Variants in PRRC2A observed in about 807,000 individuals in gnomAD.
PRRC2A encodes protein PRRC2A.
In PRRC2A, 59 loss-of-function variants were observed where a neutral mutation model predicts 224.6. The ratio of observed to expected loss-of-function variants is 0.26; its 90% CI spans 0.21 to 0.33. The LOEUF (loss-of-function observed/expected upper bound fraction) is 0.33, where lower values mean the gene tolerates loss of function less well. PRRC2A is among the 10% of genes least tolerant of loss of function. The pLI is 1.00. For missense variants in PRRC2A, 3,095 were observed against 2,880.7 expected, an observed-to-expected ratio of 1.07 and a Z score of -1.70; for synonymous variants, 1,194 against 1,109.5, an observed-to-expected ratio of 1.08 and a Z score of -1.51.
At position 31,632,961 on chromosome 6, in the gene PRRC2A, A is replaced by C; in HGVS notation, c.4288A>C (p.Lys1430Gln). 1 of 1,601,136 alleles carries C rather than the reference A, an allele frequency of 6.2e-7. No homozygotes were observed. ...GGRTGPGRGD[K>Q]RSWPSPKNRS... ...AAGGACCGGGCCAGGACGAGGCGAC[A>C]AGAGGAGCTGGCCCTCTCCCAAGAA... Residue 1430 changes from lysine to glutamine, a missense_variant, in exon 16 of 31, where the codon AAG becomes CAG. Transcript: ENST00000376033.
In PRRC2A at chr6:31,632,440, G is replaced by A. The variant is rs1364992415; in HGVS notation, c.3767G>A (p.Arg1256His). The A allele has an allele frequency of 1.2e-6, 2 of 1,604,904 alleles. No individual in the cohort carries two copies. The highest frequency in any genetic ancestry group is 1.3e-5 in the African/African-American group (1 of 74,702). The stretch of plus-strand genomic sequence containing the variant: ...GCTCAGCAGCAGGATAAACCGCCTC[G>A]TTTCCGGAGGCTGAAGCAGGAACGG... ...GRAQQQDKPP[R>H]FRRLKQEREN... The change falls in exon 16 of 31, where the codon CGT (arginine) becomes CAT (histidine). Residue 1256 changes from arginine (R) to histidine (H), a missense_variant. Physicochemically the swap from Arg to His is conservative, Grantham distance 29. Transcript: ENST00000376033.
Position 31,630,624 on chromosome 6 carries a change from G to A in PRRC2A, c.2288G>A (p.Gly763Asp). Residue 763 changes from glycine to aspartate, a missense_variant, in exon 15 of 31, where the codon GGC (glycine) becomes GAC (aspartate). Around this residue, in one of 8 missense-constraint regions of PRRC2A, gnomAD observed 2,001 missense variants for 1,764.9 expected, o/e 1.13. Coordinates refer to ENST00000376033, the MANE Select transcript of PRRC2A (RefSeq NM_004638.4). ...LVPRERSDSG[G>D]SSSEPFDRHA... is the part of the protein sequence containing the mutation. The stretch of plus-strand genomic sequence containing the variant: ...CCCCGAGAGCGTTCAGACAGTGGGG[G>A]CTCAAGCTCAGAGCCATTTGACCGT... 1 of 1,614,110 alleles carries A rather than the reference G, an allele frequency of 6.2e-7. No individual in the cohort carries two copies. Among genetic ancestry groups the A allele is most frequent in the Non-Finnish European group, 8.5e-7 (1 of 1,180,028 alleles).
chr6:31,634,136 G>A, intron 18 of PRRC2A, 100 bp from the exon 19 acceptor site: 2 of 1,563,964 alleles, frequency 1.3e-6, no homozygotes, highest in South Asian at 1.2e-5. Context: ...TGTCTCCCTT[G>A]TTGTCCCCAC....
chr6:31,627,078 G>C lies in PRRC2A; in HGVS notation c.1170G>C (p.Thr390=). ...ACAGCGAACCGCCCACTCCTAAGAC[G>C]GCCTGGGCAGAAACCTCTCGGCCTC... The part of the protein sequence containing the change: ...SPNSEPPTPK[T]AWAETSRPPE... The change falls in exon 11 of 31, where the codon ACG becomes ACC. Residue 390 remains threonine (T), a synonymous_variant. Coordinates refer to ENST00000376033, the MANE Select transcript of PRRC2A (RefSeq NM_004638.4). This position sits in a 1 kb window ranked among gnomAD's most constrained non-coding sequence, Gnocchi z 5.6. The C allele has an allele frequency of 6.2e-7, 1 of 1,614,138 alleles. No homozygotes were observed. The highest frequency in any genetic ancestry group is 1.7e-5 in the Admixed American group (1 of 60,024).
chr6:31,637,322 C>A lies in PRRC2A; in HGVS notation c.6331C>A (p.Gln2111Lys). The A allele has an allele frequency of 1.2e-6, 2 of 1,610,436 alleles. No homozygotes were observed. Among genetic ancestry groups the A allele is most frequent in the Non-Finnish European group, 1.7e-6 (2 of 1,177,600 alleles). The change falls in exon 30 of 31, where the codon CAG (glutamine) becomes AAG (lysine). Residue 2111 changes from glutamine to lysine, a missense_variant and splice_region_variant. Physicochemically the swap from Gln to Lys is moderately conservative, Grantham distance 53. Transcript: ENST00000376033. ...CACCCAGCGCGTCGACCTTTACCAG[C>A]AGGTGAAGGAGAAACCCTTGTGGCC... is the stretch of plus-strand genomic sequence containing the variant. ...FRTQRVDLYQ[Q>K]ASPPDALRWI...
chr6:31,633,656 G>A lies in PRRC2A; in HGVS notation c.4588+9G>A, dbSNP rs377453535. ...CAGCGGCCTCAGTTCTGGTAAGCTGGAGGGGTTATGGGTGGGAATATCTCC... is the reference window on the plus strand; with the variant it reads ...CAGCGGCCTCAGTTCTGGTAAGCTGAAGGGGTTATGGGTGGGAATATCTCC... On this transcript the variant is annotated intron_variant, in intron 17 of 30. Coordinates refer to ENST00000376033, the MANE Select transcript of PRRC2A (RefSeq NM_004638.4). The A allele has an allele frequency of 7.5e-6, 12 of 1,604,740 alleles. No homozygotes were observed. Among genetic ancestry groups the A allele is most frequent in the Non-Finnish European group, 1.0e-5 (12 of 1,175,448 alleles).
rs1225276587 is a variant in PRRC2A, at chr6:31,634,221, C to T, written c.4720-15C>T. 3 of 1,578,168 alleles carry T rather than the reference C, an allele frequency of 1.9e-6. No individual in the cohort carries two copies. The highest frequency in any genetic ancestry group is 4.5e-5 in the East Asian group (2 of 44,588). On this transcript the variant is annotated splice_polypyrimidine_tract_variant and intron_variant, in intron 18 of 30. Coordinates refer to ENST00000376033, the MANE Select transcript of PRRC2A (RefSeq NM_004638.4). ...ACCCAATTCATGTTTTGCTTCTGGC[C>T]CTTCTCATCTGTAGGAATCTTTGCC...
At position 31,633,515 on chromosome 6, in the gene PRRC2A, C is replaced by A; in HGVS notation, c.4456C>A (p.Arg1486Ser). 7 of 1,613,092 alleles carry A rather than the reference C, an allele frequency of 4.3e-6. No individual in the cohort carries two copies. The highest frequency in any genetic ancestry group is 5.9e-6 in the Non-Finnish European group (7 of 1,180,028). The change falls in exon 17 of 31, where the codon CGT becomes AGT. Residue 1486 changes from arginine (R) to serine (S), a missense_variant. Around this residue, in one of 8 missense-constraint regions of PRRC2A, gnomAD observed 2,001 missense variants for 1,764.9 expected, o/e 1.13. Coordinates refer to ENST00000376033, the MANE Select transcript of PRRC2A (RefSeq NM_004638.4). ...IQQALAQLSS[R>S]QGSVTAPGGH... The stretch of plus-strand genomic sequence containing the variant: ...ACAGGCTCTGGCCCAGCTTAGTAGC[C>A]GTCAAGGGAGTGTAACTGCACCAGG...
rs377484813 is a variant in PRRC2A, at chr6:31,626,175, T to G, written c.982+13T>G. On this transcript the variant is annotated intron_variant, in intron 9 of 30. Transcript: ENST00000376033. ...GATGGTTGGGCAGGTAAGTGGATAT[T>G]AAGGGTCAAGAATTTGGATCTTGAA... 1.9e-6 allele frequency: 3 copies of G among 1,607,222 alleles called. No individual in the cohort carries two copies. The African/African-American group carries it at 4.0e-5, about 22-fold the overall frequency.
In PRRC2A at chr6:31,634,488, T is replaced by C. The variant is rs759000036; in HGVS notation, c.4866T>C (p.Ser1622=). 6.2e-7 allele frequency: 1 copy of C among 1,612,826 alleles called. No homozygotes were observed. Among genetic ancestry groups the C allele is most frequent in the South Asian group, 1.1e-5 (1 of 91,074 alleles). Residue 1622 remains serine, a synonymous_variant, in exon 20 of 31, where the codon AGT becomes AGC. Coordinates refer to ENST00000376033, the MANE Select transcript of PRRC2A (RefSeq NM_004638.4). ...CTTCTCCAGCCACTAGCCGAAAGAG[T>C]TACCGGCCCAGCTCCATGGAGCCTT... ...NRLHTATSRK[S]YRPSSMEPWM... is the part of the protein sequence containing the mutation.
Position 31,635,157 on chromosome 6 carries a change from C to A in PRRC2A, c.5186C>A (p.Pro1729His). 1 of 1,614,198 alleles carries A rather than the reference C, an allele frequency of 6.2e-7. No homozygotes were observed. Among genetic ancestry groups the A allele is most frequent in the Non-Finnish European group, 8.5e-7 (1 of 1,180,022 alleles). The change falls in exon 22 of 31, where the codon CCC (proline) becomes CAC (histidine). Residue 1729 changes from proline to histidine, a missense_variant. Transcript: ENST00000376033. ...RKELPREQPL[P>H]PGPIGTERSQ... ...GAGCTGCCCCGGGAGCAGCCTCTGC[C>A]CCCTGGCCCCATTGGCACAGAACGA...
At chr6:31,635,512 A>G in intron 23 of PRRC2A, 47 bp downstream of exon 23, 1 of 1,612,090 alleles carries the variant, frequency 6.2e-7, no homozygotes, top group Non-Finnish European at 8.5e-7. Context: ...ATTTCTGGGG[A>G]AGATTGCTGG....
chr6:31,623,257 AGATTTT>A, intron 2 of PRRC2A: 1 of 418,934 alleles, frequency 2.4e-6, no homozygotes, highest in Non-Finnish European at 4.3e-6. Flanking sequence ...GGGATTTCAT[AGATTTT>A]TTTTTTTTTT....
chr6:31,637,250 A>T lies in PRRC2A; in HGVS notation c.6259A>T (p.Asn2087Tyr). 1.9e-6 allele frequency: 3 copies of T among 1,611,966 alleles called. No individual in the cohort carries two copies. Among genetic ancestry groups the T allele is most frequent in the Non-Finnish European group, 1.7e-6 (2 of 1,179,076 alleles). Residue 2087 changes from asparagine (N) to tyrosine (Y), a missense_variant, in exon 30 of 31, where the codon AAT becomes TAT. Asn to Tyr is a moderately radical substitution (Grantham distance 143). Coordinates refer to ENST00000376033, the MANE Select transcript of PRRC2A (RefSeq NM_004638.4). ...PPTGRSFSGL[N>Y]SRLKATPSTY... Reference sequence around the variant, plus strand: ...TTCCCTTAGGTCCTTCTCTGGCCTCAATTCCCGTCTCAAGGCCACGCCTTC... The same window carrying T: ...TTCCCTTAGGTCCTTCTCTGGCCTCTATTCCCGTCTCAAGGCCACGCCTTC...
rs138948140 is a variant in PRRC2A, at chr6:31,635,973, G to C, written c.5548G>C (p.Gly1850Arg). ...SAGPSSSQISGGAMDSQLHPN... is the reference protein window; with the variant it reads ...SAGPSSSQISRGAMDSQLHPN... ...CCGTGCTCCTCTCCTGCAGATCTCT[G>C]GGGGAGCCATGGACTCTCAATTACA... The change falls in exon 25 of 31, where the codon GGG becomes CGG. Residue 1850 changes from glycine (G) to arginine (R), a missense_variant. This residue lies in a region of PRRC2A where 662 missense variants were observed against 609.5 expected (regional missense o/e 1.09). Transcript: ENST00000376033. 6.2e-7 allele frequency: 1 copy of C among 1,611,006 alleles called. No individual in the cohort carries two copies. Among genetic ancestry groups the C allele is most frequent in the African/African-American group, 1.3e-5 (1 of 74,754 alleles).
At chr6:31,634,188 C>G in intron 18 of PRRC2A, 48 bp from the exon 19 acceptor site, 1 of 1,573,244 alleles carries the variant, frequency 6.4e-7, no homozygotes, top group Non-Finnish European at 8.6e-7. Context: ...CTATAATTCC[C>G]AATTCCCACC....
chr6:31,634,692 C>CA (rs1777108017), intron 20 of PRRC2A, 61 bp from the exon 21 acceptor site: 1 of 1,564,754 alleles, frequency 6.4e-7, no homozygotes, highest in Non-Finnish European at 8.8e-7. Flanking sequence ...ATGTGTGCAT[C>CA]AGTCAGGTAT....
In PRRC2A at chr6:31,631,917, C is replaced by G; in HGVS notation, c.3244C>G (p.Arg1082Gly). Residue 1082 changes from arginine to glycine, a missense_variant, in exon 16 of 31, where the codon CGC becomes GGC. Around this residue, in one of 8 missense-constraint regions of PRRC2A, gnomAD observed 2,001 missense variants for 1,764.9 expected, o/e 1.13. Transcript: ENST00000376033. The surrounding 1 kb of genome is among the most constrained non-coding windows in gnomAD (Gnocchi z 4.5). ...AAACCACCCTCCTGCTCCCCGAGGC[C>G]GCACTGCCAGCGAGACACGGAGCGA... ...GPNHPPAPRGRTASETRSEGS... is the reference protein window; with the variant it reads ...GPNHPPAPRGGTASETRSEGS... 1.2e-6 allele frequency: 2 copies of G among 1,612,734 alleles called. No homozygotes were observed. Among genetic ancestry groups the G allele is most frequent in the Non-Finnish European group, 1.7e-6 (2 of 1,179,920 alleles).
Position 31,636,819 on chromosome 6 carries a change from TTC to T in PRRC2A, c.6025_6026del (p.Leu2009ValfsTer35), listed in dbSNP as rs1272211839. 6.2e-7 allele frequency: 1 copy of T among 1,611,364 alleles called. No individual in the cohort carries two copies. The highest frequency in any genetic ancestry group is 8.5e-7 in the Non-Finnish European group (1 of 1,179,968). The part of the protein sequence containing the change: ...PAPPPAPPPL[S>X]LLPVGPALQP... ...CACCACCTCCTGCCCCACCTCCCCT[TTC>T]TCTGTTACCTGTGGGCCCTGCTCTG... On this transcript the variant is annotated frameshift_variant, in exon 28 of 31. Transcript: ENST00000376033. LOFTEE classifies it high-confidence loss of function. The surrounding 1 kb of genome is among the most constrained non-coding windows in gnomAD (Gnocchi z 4.3).
Sources: allele counts gnomAD v4.1 joint callset, GRCh38; gene constraint gnomAD v4.1.1; regional missense constraint gnomAD v4.1.1; non-coding constraint Gnocchi (gnomAD v3.1); transcripts MANE v1.5; gene names NCBI Gene and HGNC (gene_info 2026-07-23, HGNC 2026-07-21).